The following TTN variants were observed in gnomAD, a reference collection of about 807,000 sequenced individuals.
TTN encodes the protein connectin.
In TTN, 1,525 loss-of-function variants were observed where a neutral mutation model predicts 3,223.0. The observed-to-expected ratio is 0.47, with a 90% CI of 0.45 to 0.49. The LOEUF (loss-of-function observed/expected upper bound fraction) is 0.49, where lower values mean the gene tolerates loss of function less well. TTN is among the 20% of genes least tolerant of loss of function. The pLI, the probability that TTN is intolerant of heterozygous loss-of-function variation, is 0.00. For synonymous variants in TTN, 14,094 were observed against 15,161.0 expected (o/e 0.93, Z 5.17); for missense variants, 40,786 against 43,424.0 (o/e 0.94, Z 5.40).
Position 178,570,586 on chromosome 2 carries a change from G to A in TTN, c.75546C>T (p.Tyr25182=). The A allele has an allele frequency of 6.2e-7, 1 of 1,613,400 alleles. No homozygotes were observed. The highest frequency in any genetic ancestry group is 8.5e-7 in the Non-Finnish European group (1 of 1,179,612). Residue 25182 remains tyrosine, a synonymous_variant, in exon 326 of 363, where the codon TAC becomes TAT. Transcript: ENST00000589042. ...KDAVRVDSGN[Y]ILKAKNVAGE... The stretch of plus-strand genomic sequence containing the variant: ...CTGCAACATTTTTGGCCTTCAGTAT[G>A]TAATTTCCACTGTCGACACGTACTG...
intron 282 of TTN, 103 bp downstream of exon 282, chr2:178,603,768 TAAATA>T (rs775873536): frequency 5.4e-6 from 6 of 1,106,570 alleles, no homozygotes; most frequent in Non-Finnish European, 7.4e-6. Context: ...TTTATTTTAA[TAAATA>T]AAATAATTTG....
chr2:178,771,377 G>A lies in TTN; in HGVS notation c.7950C>T (p.Gly2650=), dbSNP rs773756480. The A allele has an allele frequency of 7.4e-6, 12 of 1,613,830 alleles. No homozygotes were observed. Among genetic ancestry groups the A allele is most frequent in the African/African-American group, 1.3e-5 (1 of 74,880 alleles). The change falls in exon 34 of 363, where the codon GGC becomes GGT. Residue 2650 remains glycine, a synonymous_variant. Transcript: ENST00000589042. ...ECEVANPDSK[G]EWLRDGKHLP... Reference sequence around the variant, plus strand: ...GGTGTTTGCCATCCCTCAACCATTCGCCTTTGGAATCTGGGTTGGCAACTT... The same window carrying A: ...GGTGTTTGCCATCCCTCAACCATTCACCTTTGGAATCTGGGTTGGCAACTT...
chr2:178,561,770 G>A lies in TTN; in HGVS notation c.84362C>T (p.Thr28121Ile). The change falls in exon 326 of 363, where the codon ACA becomes ATA. Residue 28121 changes from threonine to isoleucine, a missense_variant. Physicochemically the swap from Thr to Ile is moderately conservative, Grantham distance 89. Transcript: ENST00000589042. Reference protein sequence around the residue: ...RTSIKIVRLTTGSEYQFRVCA... With the variant: ...RTSIKIVRLTIGSEYQFRVCA... ...AACACGGAACTGATACTCACTTCCT[G>A]TTGTCAGGCGAACTATTTTAATGGA... is the stretch of plus-strand genomic sequence containing the variant. The A allele has an allele frequency of 6.2e-7, 1 of 1,613,652 alleles. No homozygotes were observed. The highest frequency in any genetic ancestry group is 8.5e-7 in the Non-Finnish European group (1 of 1,179,738).
Position 178,664,643 on chromosome 2 carries a change from G to T in TTN, c.36202+11C>A. The T allele has an allele frequency of 6.2e-7, 1 of 1,612,128 alleles. No homozygotes were observed. The highest frequency in any genetic ancestry group is 8.5e-7 in the Non-Finnish European group (1 of 1,179,502). On this transcript the variant is annotated intron_variant, in intron 167 of 362. Transcript: ENST00000589042. ...ATGTTCCCACCCCTCTAAGCTTCCA[G>T]CAAGATATACCTTCATCAGGAAGGA...
intron 47 of TTN, chr2:178,750,221 G>A: frequency 6.2e-7 from 1 of 1,613,164 alleles, no homozygotes; most frequent in Non-Finnish European, 8.5e-7. Flanking sequence ...AAACACCAAT[G>A]CTAACTCTTC....
chr2:178,722,158 T>C (rs769949935), intron 77 of TTN, 24 bp from the exon 78 acceptor site: 5 of 1,533,102 alleles, frequency 3.3e-6, no homozygotes, highest in South Asian at 1.3e-5. Context: ...AGAAAGGCAA[T>C]GTGTATTTTT....
intron 24 of TTN, chr2:178,778,591 T>C (rs2092468860): frequency 2.3e-6 from 1 of 437,870 alleles, no homozygotes. Context: ...GCAGGGCTGT[T>C]GTATAAATTT....
In TTN at chr2:178,632,537, A is replaced by C. The variant is rs2154221765; in HGVS notation, c.43469T>G (p.Leu14490Arg). ...EAEDKHTSGK[L>R]IIEGIRLKFL... ...ATAAAACTATTTACCTTCAATGATC[A>C]GTTTGCCACTTGTGTGCTTATCTTC... The change falls in exon 235 of 363, where the codon CTG becomes CGG. Residue 14490 changes from leucine to arginine, a missense_variant. Transcript: ENST00000589042. 6.2e-7 allele frequency: 1 copy of C among 1,612,900 alleles called. No individual in the cohort carries two copies. The highest frequency in any genetic ancestry group is 1.3e-5 in the African/African-American group (1 of 75,022).
At position 178,651,743 on chromosome 2, in the gene TTN, A is replaced by C. The variant is rs770954200; in HGVS notation, c.39386T>G (p.Val13129Gly). The part of the protein sequence containing the change: ...PEPAAPPQVT[V>G]PPKKPVPEKK... ...TTCTGGGACAGGTTTCTTAGGTGGT[A>C]CGGTCACTAAAGAATTAGAAGGTAT... The change falls in exon 206 of 363, where the codon GTA (valine) becomes GGA (glycine). Residue 13129 changes from valine (V) to glycine (G), a missense_variant. Val to Gly is a moderately radical substitution (Grantham distance 109). Transcript: ENST00000589042. The C allele has an allele frequency of 9.9e-6, 16 of 1,612,958 alleles. No individual in the cohort carries two copies. Among genetic ancestry groups the C allele is most frequent in the Middle Eastern group, 1.7e-4 (1 of 6,054 alleles).
In TTN at chr2:178,753,292, T is replaced by A. The variant is rs3754953; in HGVS notation, c.11255-112A>T. 0.89 allele frequency: 732,781 copies of A among 820,532 alleles called. 329,877 individuals carry two copies. Among genetic ancestry groups the A allele is most frequent in the Non-Finnish European group, 0.93 (483,794 of 518,390 alleles). 50.8% of individuals were successfully genotyped at this position (820,532 alleles called of 1,614,324 possible). On this transcript the variant is annotated intron_variant, in intron 46 of 362. Transcript: ENST00000589042. Reference sequence around the variant, plus strand: ...TCTTTTTATTATAACAACAGAAAACTACATTCCCCAAATTTACCAAAAAGT... The same window carrying A: ...TCTTTTTATTATAACAACAGAAAACAACATTCCCCAAATTTACCAAAAAGT...
chr2:178,734,150 G>A (rs999562855), intron 52 of TTN, among the ~76,000 whole-genome samples, 178 bp downstream of exon 52: 5 of 151,514 alleles, frequency 3.3e-5, no homozygotes, highest in African/African-American at 1.2e-4. Flanking sequence ...ATTTACACTA[G>A]TCTCGGGAAA....
rs1481996420 is a variant in TTN, at chr2:178,590,525, A to G, written c.61200T>C (p.Gly20400=). The G allele has an allele frequency of 1.9e-6, 3 of 1,612,976 alleles. No individual in the cohort carries two copies. The highest frequency in any genetic ancestry group is 1.1e-5 in the South Asian group (1 of 90,982). Residue 20400 remains glycine, a synonymous_variant, in exon 304 of 363, where the codon GGT becomes GGC. Coordinates refer to ENST00000589042, the MANE Select transcript of TTN (RefSeq NM_001267550.2). ...CCACTACATATCCTAGAATGGGGCT[A>G]CCACCATCACTGAGAGGCTTTGTCC... ...LVWTKPLSDG[G]SPILGYVVEC...
In TTN at chr2:178,559,461, C is replaced by G. The variant is rs535801518; in HGVS notation, c.86671G>C (p.Ala28891Pro). Reference sequence around the variant, plus strand: ...CAGTTGTTGGTCACAGAGACCCATGCTTTCTTGCTGGCCTCACGTTTTTCT... The same window carrying G: ...CAGTTGTTGGTCACAGAGACCCATGGTTTCTTGCTGGCCTCACGTTTTTCT... ...HIEKREASKK[A>P]WVSVTNNCNR... The change falls in exon 326 of 363, where the codon GCA (alanine) becomes CCA (proline). Residue 28891 changes from alanine to proline, a missense_variant. Coordinates refer to ENST00000589042, the MANE Select transcript of TTN (RefSeq NM_001267550.2). 1.2e-6 allele frequency: 2 copies of G among 1,613,736 alleles called. No homozygotes were observed. The highest frequency in any genetic ancestry group is 1.3e-5 in the African/African-American group (1 of 75,034).
intron 282 of TTN, 94 bp from the exon 283 acceptor site, chr2:178,602,684 CTATTAAAA>C: frequency 3.3e-6 from 3 of 908,260 alleles, no homozygotes; most frequent in Middle Eastern, 3.8e-4. Context: ...TTATTTTAAT[CTATTAAAA>C]TATTAAAATA....
At chr2:178,619,314 G>A (rs2057901605) in intron 250 of TTN, 2 of 429,172 alleles carry the variant, frequency 4.7e-6, no homozygotes, top group Non-Finnish European at 8.3e-6. Flanking sequence ...TGTAAAGTAG[G>A]AGAGTATAAG....
Position 178,685,243 on chromosome 2 carries a change from GA to G in TTN, c.32470+9del. On this transcript the variant is annotated intron_variant, in intron 129 of 362. Transcript: ENST00000589042. ...TAAATAGTGTTGCATTTCTTTGAAA[GA>G]AATCATACCTTTAGCCGGTGGAGGC... 6.5e-7 allele frequency: 1 copy of G among 1,529,908 alleles called. No individual in the cohort carries two copies. Among genetic ancestry groups the G allele is most frequent in the Non-Finnish European group, 8.8e-7 (1 of 1,140,442 alleles). The allele number at this position is 1,529,908 out of a possible 1,614,324, so 94.8% of individuals were successfully genotyped here. A position where few individuals can be genotyped will look rare whatever the true frequency, so the allele number is the denominator to read the frequency against.
Position 178,598,166 on chromosome 2 carries a change from G to GA in TTN, c.57112-109dup, listed in dbSNP as rs1263152116. The stretch of plus-strand genomic sequence containing the variant: ...CAGCCTATTTAACTGTTTACTCTGG[G>GA]AAAATTGTTGCTGGTTTAGGTTTTA... On this transcript the variant is annotated intron_variant, in intron 292 of 362. Transcript: ENST00000589042. The GA allele has an allele frequency of 1.2e-4, 150 of 1,289,952 alleles. No homozygotes were observed. In the East Asian group the frequency reaches 3.5e-3, roughly 30 times the overall value. The allele number at this position is 1,289,952 out of a possible 1,614,324, so 79.9% of individuals were successfully genotyped here.
Position 178,632,941 on chromosome 2 carries a change from G to T in TTN, c.43190C>A (p.Ser14397Tyr), listed in dbSNP as rs1297192310. The change falls in exon 234 of 363, where the codon TCT becomes TAT. Residue 14397 changes from serine (S) to tyrosine (Y), a missense_variant. Transcript: ENST00000589042. ...EVSFQAANAK[S>Y]AANLKVKELP... ...ACCTTTCACTTTCAGATTGGCTGCA[G>T]ATTTGGCATTAGCAGCCTGGAAGGA... 1 of 1,613,042 alleles carries T rather than the reference G, an allele frequency of 6.2e-7. No individual in the cohort carries two copies. Among genetic ancestry groups the T allele is most frequent in the South Asian group, 1.1e-5 (1 of 90,960 alleles).
At chr2:178,719,097 A>G in intron 83 of TTN, 67 bp downstream of exon 83, 1 of 1,543,904 alleles carries the variant, frequency 6.5e-7, no homozygotes, top group Non-Finnish European at 8.7e-7. Context: ...AACTCCAGGG[A>G]AGGCAGGCAC....
Sources: gnomAD v4.1 joint callset for allele counts (sites outside exome capture counted in the v4.1 genomes callset) on GRCh38, gnomAD v4.1.1 for gene constraint, MANE v1.5 for transcripts, NCBI Gene and HGNC (gene_info 2026-07-23, HGNC 2026-07-21) for gene names.